Variants in GPC5 observed in about 807,000 individuals in gnomAD.
GPC5 encodes the protein glypican 5, also known as glypican-5.
Under a neutral mutation model 53.9 loss-of-function variants are expected in GPC5, and 47 were observed. That is an observed-to-expected ratio of 0.87 (90% CI 0.69 to 1.11). GPC5 has a LOEUF of 1.11. GPC5 is among the 50% of genes most tolerant of loss of function. GPC5 has a pLI of 0.00. For synonymous variants in GPC5, 286 were observed against 263.3 expected (o/e 1.09, Z -0.84); for missense variants, 748 against 713.1 (o/e 1.05, Z -0.56).
chr13:92,703,058 ATT>A (rs879711264), intron 7 of GPC5, among the ~76,000 whole-genome samples: 7,502 of 148,502 alleles, frequency 0.051, 505 homozygotes, highest in East Asian at 0.29. Flanking sequence ...ATATATATTT[ATT>A]TATTTATTTA....
intron 7 of GPC5, among the ~76,000 whole-genome samples, chr13:92,249,094 G>T (rs151265062): frequency 6.6e-6 from 1 of 151,940 alleles, no homozygotes; most frequent in African/African-American, 2.4e-5. Context: ...TTTTGATACA[G>T]GCATATGATA....
At chr13:91,591,450 T>A (rs764838392) in intron 2 of GPC5, among the ~76,000 whole-genome samples, 1 of 152,028 alleles carries the variant, frequency 6.6e-6, no homozygotes, top group Non-Finnish European at 1.5e-5. Context: ...CTAGCCGGGG[T>A]TCTTGGTATT....
intron 7 of GPC5, among the ~76,000 whole-genome samples, chr13:92,793,484 C>G (rs944429747): frequency 6.6e-6 from 1 of 151,830 alleles, no homozygotes; most frequent in African/African-American, 2.4e-5. Context: ...ACTAGAGAAG[C>G]AAGAGCAAAC....
chr13:92,228,483 A>T (rs1435431912), intron 7 of GPC5, among the ~76,000 whole-genome samples: 2 of 152,144 alleles, frequency 1.3e-5, no homozygotes, highest in African/African-American at 4.8e-5. Context: ...AAATTAAGAA[A>T]AAAAGTTACA....
Position 91,567,343 on chromosome 13 carries a change from T to C in GPC5, c.325+118421T>C, listed in dbSNP as rs116115762. Among the ~76,000 whole-genome samples, 1,326 of 152,282 alleles carry C rather than the reference T, an allele frequency of 8.7e-3. 16 individuals are homozygous for C. Among genetic ancestry groups the C allele is most frequent in the African/African-American group, 0.031 (1,276 of 41,546 alleles). ...CAGATATTCTTATCTTTTGTTTAGA[T>C]GTTCTCTACACTTAGTGTATTTCTA... On this transcript the variant is annotated intron_variant, in intron 2 of 7. Transcript: ENST00000377067.
At chr13:91,963,702 G>A (rs190361173) in intron 6 of GPC5, among the ~76,000 whole-genome samples, 2 of 152,252 alleles carry the variant, frequency 1.3e-5, no homozygotes, top group South Asian at 2.1e-4. Context: ...ATTGGGAGAG[G>A]TGGGAAGTAA....
chr13:92,618,129 C>T (rs563017488), intron 7 of GPC5, among the ~76,000 whole-genome samples: 2 of 152,150 alleles, frequency 1.3e-5, no homozygotes, highest in East Asian at 3.9e-4. Flanking sequence ...CCTTTTCTTC[C>T]CCAGTTGATT....
At chr13:92,675,638 A>G (rs2139213819) in intron 7 of GPC5, among the ~76,000 whole-genome samples, 1 of 152,160 alleles carries the variant, frequency 6.6e-6, no homozygotes, top group African/African-American at 2.4e-5. Context: ...TTCAACTCCA[A>G]ATAAATAGAA....
intron 7 of GPC5, among the ~76,000 whole-genome samples, chr13:92,843,710 AC>A (rs1179909464): frequency 6.6e-6 from 1 of 152,122 alleles, no homozygotes; most frequent in African/African-American, 2.4e-5. Flanking sequence ...GCTTCCAAAC[AC>A]TATATGTGCA....
chr13:92,460,673 A>C (rs183896592), intron 7 of GPC5, among the ~76,000 whole-genome samples: 1 of 152,286 alleles, frequency 6.6e-6, no homozygotes, highest in East Asian at 1.9e-4. Context: ...GAAAATATTG[A>C]AATGTGCTAT....
At chr13:92,846,146 C>T (rs1257011392) in intron 7 of GPC5, among the ~76,000 whole-genome samples, 2 of 152,060 alleles carry the variant, frequency 1.3e-5, no homozygotes, top group Admixed American at 1.3e-4. Flanking sequence ...AAGCAAAAGC[C>T]TCTTTCTTCA....
chr13:92,456,653 C>T (rs1258585388), intron 7 of GPC5, among the ~76,000 whole-genome samples: 1 of 152,148 alleles, frequency 6.6e-6, no homozygotes, highest in Non-Finnish European at 1.5e-5. Flanking sequence ...GCTGCTCAGA[C>T]TGCTCATCCA....
chr13:92,586,882 A>G lies in GPC5; in HGVS notation c.1562-279400A>G, dbSNP rs1261291192. ...GCTTACAGAGTTCCCTAGAGCTTTC[A>G]GCATTTCTAAACCAGTTCTTGAAGA... is the stretch of plus-strand genomic sequence containing the variant. On this transcript the variant is annotated intron_variant, in intron 7 of 7. Transcript: ENST00000377067. 3.3e-5 allele frequency among the ~76,000 whole-genome samples: 5 copies of G among 152,152 alleles called. No individual in the cohort carries two copies. The East Asian group carries it at 5.8e-4, about 18-fold the overall frequency.
At chr13:92,313,604 CCAGTTT>C (rs1360591665) in intron 7 of GPC5, among the ~76,000 whole-genome samples, 4 of 152,282 alleles carry the variant, frequency 2.6e-5, no homozygotes, top group African/African-American at 9.6e-5. Context: ...TTTCATACAG[CCAGTTT>C]CTGTTTTGCC....
intron 7 of GPC5, among the ~76,000 whole-genome samples, chr13:92,823,765 T>A (rs1393812117): frequency 6.6e-6 from 1 of 152,142 alleles, no homozygotes; most frequent in African/African-American, 2.4e-5. Context: ...GATACCTATG[T>A]ATATGTGAGA....
chr13:92,355,951 G>C (rs571834049), intron 7 of GPC5, among the ~76,000 whole-genome samples: 1 of 137,704 alleles, frequency 7.3e-6, no homozygotes, highest in African/African-American at 2.7e-5. Context: ...GACTCACATC[G>C]TCTCTTTATG....
At chr13:91,956,119 TGCA>T (rs1387732436) in intron 6 of GPC5, among the ~76,000 whole-genome samples, 1 of 152,062 alleles carries the variant, frequency 6.6e-6, no homozygotes, top group Non-Finnish European at 1.5e-5. Context: ...ACCACCTGTA[TGCA>T]GCACTGGGGA....
chr13:91,849,105 T>C (rs2038884560), intron 5 of GPC5, among the ~76,000 whole-genome samples: 1 of 152,182 alleles, frequency 6.6e-6, no homozygotes. Context: ...CTGCAACTCT[T>C]TCCTTCTACC....
At chr13:92,378,125 C>T (rs980593940) in intron 7 of GPC5, among the ~76,000 whole-genome samples, 1 of 152,088 alleles carries the variant, frequency 6.6e-6, no homozygotes, top group Non-Finnish European at 1.5e-5. Flanking sequence ...AGGCTTAAAT[C>T]ATTGTCATGT....
Sources: gnomAD v4.1 joint callset for allele counts (sites outside exome capture counted in the v4.1 genomes callset) on GRCh38, gnomAD v4.1.1 for gene constraint, MANE v1.5 for transcripts, NCBI Gene and HGNC (gene_info 2026-07-23, HGNC 2026-07-21) for gene names.